Variants in MDGA2 observed in about 807,000 individuals in gnomAD.
MDGA2 encodes MAM domain-containing glycosylphosphatidylinositol anchor protein 2.
A neutral mutation model predicts 117.8 loss-of-function variants in MDGA2; 40 were observed. The observed-to-expected ratio is 0.34, with a 90% CI of 0.26 to 0.44. The LOEUF is 0.44. Ranked by LOEUF, MDGA2 falls within the 20% of genes least tolerant of loss-of-function variation. The probability of loss-of-function intolerance (pLI) is 1.00; values close to 1 mark genes in which losing one functional copy is unlikely to be tolerated. For synonymous variants in MDGA2, 452 were observed against 439.0 expected, an observed-to-expected ratio of 1.03 and a Z score of -0.37; for missense variants, 1,123 against 1,250.6, an observed-to-expected ratio of 0.90 and a Z score of 1.54.
At chr14:47,572,342 A>C (rs528873760) in intron 1 of MDGA2, among the ~76,000 whole-genome samples, 38 of 152,336 alleles carry the variant, frequency 2.5e-4, no homozygotes, top group African/African-American at 8.4e-4. Context: ...ATCATGGGCC[A>C]TATTTTATGT....
intron 4 of MDGA2, among the ~76,000 whole-genome samples, chr14:47,142,810 G>A (rs532314925): frequency 3.5e-4 from 53 of 152,210 alleles, no homozygotes; most frequent in African/African-American, 1.1e-3. Flanking sequence ...AACAGGCTTC[G>A]TTTCAGTACT....
chr14:46,845,720 G>A lies in MDGA2; in HGVS notation c.2989+46C>T, dbSNP rs775360689. ...AATTAAATGTTAATTTAATAGTAATGTTACTTTAACGTTACAACAAACCAA... is the reference window on the plus strand; with the variant it reads ...AATTAAATGTTAATTTAATAGTAATATTACTTTAACGTTACAACAAACCAA... On this transcript the variant is annotated intron_variant, in intron 16 of 16. Transcript: ENST00000399232. 4.4e-6 allele frequency: 5 copies of A among 1,140,976 alleles called. No homozygotes were observed. The African/African-American group carries it at 7.8e-5, about 18-fold the overall frequency. The allele number at this position is 1,140,976 out of a possible 1,614,324, so 70.7% of individuals were successfully genotyped here. A position where few individuals can be genotyped will look rare whatever the true frequency, so the allele number is the denominator to read the frequency against.
chr14:47,237,768 C>A (rs962965868), intron 2 of MDGA2, among the ~76,000 whole-genome samples: 2 of 152,096 alleles, frequency 1.3e-5, no homozygotes, highest in African/African-American at 4.8e-5. Context: ...TACATTTGAT[C>A]TACTTTCTTC....
At chr14:47,039,621 A>G (rs1177740333) in intron 7 of MDGA2, among the ~76,000 whole-genome samples, 2 of 152,206 alleles carry the variant, frequency 1.3e-5, no homozygotes, top group Admixed American at 1.3e-4. Context: ...GCTTGTCACA[A>G]CACTGGTTTA....
chr14:47,408,068 T>TTC (rs1892296275), intron 1 of MDGA2, among the ~76,000 whole-genome samples: 1 of 148,308 alleles, frequency 6.7e-6, no homozygotes, highest in Non-Finnish European at 1.5e-5. Context: ...TTTTTTTTTT[T>TTC]TTTTTTTTGG....
intron 3 of MDGA2, among the ~76,000 whole-genome samples, chr14:47,206,119 G>A (rs544232067): frequency 6.6e-6 from 1 of 152,088 alleles, no homozygotes; most frequent in South Asian, 2.1e-4. Flanking sequence ...AAAACATACT[G>A]ACCCCTCAGA....
chr14:47,540,051 C>G (rs1404114550), intron 1 of MDGA2, among the ~76,000 whole-genome samples: 1 of 152,136 alleles, frequency 6.6e-6, no homozygotes, highest in Non-Finnish European at 1.5e-5. Context: ...GTCTCGCTGC[C>G]GCCCAGGCTG....
chr14:47,167,028 GA>G (rs1172336380), intron 3 of MDGA2, among the ~76,000 whole-genome samples: 1 of 152,010 alleles, frequency 6.6e-6, no homozygotes, highest in African/African-American at 2.4e-5. Context: ...AGAAAATTGG[GA>G]AAAATTAACA....
chr14:46,964,452 A>G (rs1885935507), intron 8 of MDGA2, among the ~76,000 whole-genome samples: 1 of 152,212 alleles, frequency 6.6e-6, no homozygotes, highest in African/African-American at 2.4e-5. Context: ...ACATTAAGGC[A>G]TAGTTTAAGG....
chr14:47,426,749 C>G lies in MDGA2; in HGVS notation c.281-125199G>C, dbSNP rs565505284. 2.3e-4 allele frequency among the ~76,000 whole-genome samples: 34 copies of G among 147,608 alleles called. No individual in the cohort carries two copies. In the South Asian group the frequency reaches 6.6e-3, roughly 29 times the overall value. On this transcript the variant is annotated intron_variant, in intron 1 of 16. Transcript: ENST00000399232. ...CTCACGCAGTGAACAACATAGTTAT[C>G]CAACAATAGAGGATTCACTGAATTG...
chr14:47,234,697 A>G (rs945262897), intron 2 of MDGA2, among the ~76,000 whole-genome samples: 2 of 152,114 alleles, frequency 1.3e-5, no homozygotes, highest in African/African-American at 4.8e-5. Flanking sequence ...CTCACCTAAT[A>G]CATTTATACA....
intron 7 of MDGA2, among the ~76,000 whole-genome samples, chr14:47,039,438 T>G (rs957318899): frequency 6.6e-6 from 1 of 152,352 alleles, no homozygotes; most frequent in Non-Finnish European, 1.5e-5. Context: ...TTTCTTTTCA[T>G]GGCCATAGGC....
At chr14:47,397,174 C>T (rs1892030655) in intron 1 of MDGA2, among the ~76,000 whole-genome samples, 1 of 152,146 alleles carries the variant, frequency 6.6e-6, no homozygotes, top group African/African-American at 2.4e-5. Flanking sequence ...AGTTTATGTC[C>T]TTTGCAGGAC....
chr14:47,232,858 G>GTTTT (rs1348040871), intron 2 of MDGA2, among the ~76,000 whole-genome samples: 1 of 152,096 alleles, frequency 6.6e-6, no homozygotes, highest in Admixed American at 6.6e-5. Flanking sequence ...ACAGAAAGAG[G>GTTTT]AATGATGGAA....
intron 1 of MDGA2, among the ~76,000 whole-genome samples, chr14:47,459,449 C>T (rs753008204): frequency 4.0e-5 from 6 of 151,184 alleles, no homozygotes; most frequent in African/African-American, 4.9e-5. Flanking sequence ...ATTTTTCAAT[C>T]AGTCGTCTTC....
intron 8 of MDGA2, among the ~76,000 whole-genome samples, chr14:47,011,166 C>CA (rs1433339755): frequency 6.6e-6 from 1 of 151,806 alleles, no homozygotes; most frequent in Non-Finnish European, 1.5e-5. Flanking sequence ...AACATACAAA[C>CA]AAACACACAA....
At chr14:46,854,116 C>G (rs1382109449) in intron 15 of MDGA2, among the ~76,000 whole-genome samples, 1 of 151,490 alleles carries the variant, frequency 6.6e-6, no homozygotes, top group Non-Finnish European at 1.5e-5. Flanking sequence ...GATTAGATTA[C>G]AAGAAAAGGT....
chr14:47,516,447 A>G (rs971656680), intron 1 of MDGA2, among the ~76,000 whole-genome samples: 1 of 152,166 alleles, frequency 6.6e-6, no homozygotes, highest in Non-Finnish European at 1.5e-5. Context: ...AAAGGGACAC[A>G]TGTTTAAACC....
At chr14:47,309,197 T>C (rs1396403463) in intron 1 of MDGA2, among the ~76,000 whole-genome samples, 3 of 152,142 alleles carry the variant, frequency 2.0e-5, no homozygotes, top group Admixed American at 6.6e-5. Flanking sequence ...ATAAACAACA[T>C]ATATATTATT....
Sources: gnomAD v4.1 joint callset for allele counts (sites outside exome capture counted in the v4.1 genomes callset) on GRCh38, gnomAD v4.1.1 for gene constraint, MANE v1.5 for transcripts, NCBI Gene and HGNC (gene_info 2026-07-23, HGNC 2026-07-21) for gene names.